STK3: variants seen among roughly 807,000 people sequenced by gnomAD.
The protein encoded by STK3 is serine/threonine kinase 3, also known as serine/threonine-protein kinase 3.
STK3 carries 41 observed loss-of-function variants against 58.0 expected under a neutral mutation model. The observed-to-expected ratio is 0.71, with a 90% CI of 0.55 to 0.92. STK3 has a LOEUF of 0.92. Ranked by LOEUF, STK3 falls within the 40% of genes least tolerant of loss-of-function variation. The pLI is 0.00. For synonymous variants in STK3, 170 were observed against 191.0 expected (o/e 0.89, Z 0.91); for missense variants, 479 against 602.7 (o/e 0.79, Z 2.15).
At chr8:98,504,571 G>T (rs1162617689) in intron 10 of STK3, among the ~76,000 whole-genome samples, 1 of 152,168 alleles carries the variant, frequency 6.6e-6, no homozygotes, top group Non-Finnish European at 1.5e-5. Flanking sequence ...AGGAGCTCTT[G>T]TAAGGCAGGC....
intron 1 of STK3, among the ~76,000 whole-genome samples, chr8:98,942,129 G>T (rs912585097): frequency 2.0e-5 from 3 of 152,246 alleles, no homozygotes; most frequent in Non-Finnish European, 4.4e-5. Flanking sequence ...CAATGCCTGC[G>T]CCCTAGACGC....
chr8:98,829,240 T>A (rs1007077455), upstream of STK3, among the ~76,000 whole-genome samples: 7 of 152,192 alleles, frequency 4.6e-5, no homozygotes, highest in Non-Finnish European at 7.4e-5. Flanking sequence ...TCCTTCCCCT[T>A]GACCCTTTGG....
At chr8:98,788,239 A>T (rs776060701) in intron 1 of STK3, among the ~76,000 whole-genome samples, 7 of 152,020 alleles carry the variant, frequency 4.6e-5, no homozygotes, top group Non-Finnish European at 1.0e-4. Flanking sequence ...GGAGTTCGAG[A>T]CCAGCCTGGA....
chr8:98,448,509 G>C (rs1015522442), intron 1 of STK3, among the ~76,000 whole-genome samples: 8 of 152,148 alleles, frequency 5.3e-5, no homozygotes, highest in Non-Finnish European at 1.0e-4. Flanking sequence ...AAATGCGCAG[G>C]TGCAGGAGTG....
At chr8:98,779,434 A>G (rs1349934829) in intron 1 of STK3, among the ~76,000 whole-genome samples, 1 of 151,870 alleles carries the variant, frequency 6.6e-6, no homozygotes, top group Non-Finnish European at 1.5e-5. Context: ...ATGCCAAACA[A>G]CTCCACAGAC....
chr8:98,784,415 G>C (rs1832322747), intron 1 of STK3, among the ~76,000 whole-genome samples: 1 of 152,208 alleles, frequency 6.6e-6, no homozygotes, highest in Non-Finnish European at 1.5e-5. Context: ...CTTCAAGCCA[G>C]ATCCAGCTTA....
chr8:98,767,434 T>C, intron 2 of STK3, 63 bp from the exon 3 acceptor site: 1 of 1,439,416 alleles, frequency 6.9e-7, no homozygotes, highest in South Asian at 1.4e-5. Flanking sequence ...ATTAAAAGTC[T>C]ACTATGAGTT....
At chr8:98,437,220 A>G (rs1818522562) in intron 1 of STK3, 1 of 152,290 alleles carries the variant, frequency 6.6e-6, no homozygotes, top group Non-Finnish European at 1.5e-5. Context: ...TAAAAGACAG[A>G]AAAGGATTTA....
intron 10 of STK3, among the ~76,000 whole-genome samples, chr8:98,510,000 A>G (rs747010623): frequency 7.2e-5 from 11 of 152,190 alleles, no homozygotes; most frequent in Non-Finnish European, 1.2e-4. Context: ...ATTTTGTTAA[A>G]TGGTAACTTA....
chr8:98,840,626 T>TATATAC (rs1554689095), intron 3 of STK3, among the ~76,000 whole-genome samples: 47 of 133,374 alleles, frequency 3.5e-4, no homozygotes, highest in African/African-American at 1.3e-3. Context: ...TATATATATA[T>TATATAC]ATACACACAC....
At chr8:98,355,943 T>C in the STK3 span, among the ~76,000 whole-genome samples, 2 of 152,224 alleles carry the variant, frequency 1.3e-5, no homozygotes, top group African/African-American at 4.8e-5. Context: ...TCCGTGATCA[T>C]TGGTAATGTT....
At chr8:98,524,284 T>C (rs748865969) in intron 10 of STK3, among the ~76,000 whole-genome samples, 6 of 152,208 alleles carry the variant, frequency 3.9e-5, no homozygotes, top group Admixed American at 6.5e-5. Context: ...TCAGGAAACA[T>C]GAGATCTTCA....
chr8:98,580,313 GC>G (rs2131730346), intron 7 of STK3, among the ~76,000 whole-genome samples: 1 of 152,062 alleles, frequency 6.6e-6, no homozygotes, highest in East Asian at 1.9e-4. Context: ...AATGAATGTT[GC>G]CTAATTTCTT....
chr8:98,725,979 G>T (rs1257816543), intron 4 of STK3, among the ~76,000 whole-genome samples: 1 of 152,166 alleles, frequency 6.6e-6, no homozygotes, highest in Non-Finnish European at 1.5e-5. Flanking sequence ...ACTGAAGCTT[G>T]GTCTTCCTGC....
At chr8:98,533,495 T>C (rs1226623733) in intron 9 of STK3, among the ~76,000 whole-genome samples, 1 of 152,052 alleles carries the variant, frequency 6.6e-6, no homozygotes, top group Non-Finnish European at 1.5e-5. Flanking sequence ...GACTGACTGA[T>C]TTGATTGCCT....
At chr8:98,391,471 C>A (rs1442642015), upstream of STK3, 1 of 152,196 alleles carries the variant, frequency 6.6e-6, no homozygotes, top group East Asian at 1.9e-4. Flanking sequence ...GTCTCCTTCT[C>A]CACGATCTCT....
At chr8:98,614,478 G>C (rs889464371) in intron 6 of STK3, among the ~76,000 whole-genome samples, 1 of 152,186 alleles carries the variant, frequency 6.6e-6, no homozygotes. Flanking sequence ...AATAGGAACA[G>C]CTCCGGTCTA....
chr8:98,834,080 T>A (rs932257855), intron 3 of STK3, among the ~76,000 whole-genome samples: 1 of 152,228 alleles, frequency 6.6e-6, no homozygotes, highest in Non-Finnish European at 1.5e-5. Flanking sequence ...TTTAGCTATG[T>A]ATTCATCTCT....
intron 3 of STK3, among the ~76,000 whole-genome samples, chr8:98,832,763 G>A (rs919578346): frequency 1.3e-5 from 2 of 152,084 alleles, no homozygotes. Flanking sequence ...GCTCTGCTGT[G>A]CACAGCAGAC....
Sources: allele counts gnomAD v4.1 joint callset (sites outside exome capture counted in the v4.1 genomes callset), GRCh38; gene constraint gnomAD v4.1.1; transcripts MANE v1.5; gene names NCBI Gene and HGNC (gene_info 2026-07-23, HGNC 2026-07-21).